Variants in PIK3CB observed in about 807,000 individuals in gnomAD.
The protein encoded by PIK3CB is phosphatidylinositol-4,5-bisphosphate 3-kinase catalytic subunit beta.
In PIK3CB, 39 loss-of-function variants were observed where a neutral mutation model predicts 136.8. That is an observed-to-expected ratio of 0.29 (90% CI 0.22 to 0.37). The LOEUF is 0.37. PIK3CB is among the 10% of genes least tolerant of loss of function. The probability of loss-of-function intolerance (pLI) is 1.00; values close to 1 mark genes in which losing one functional copy is unlikely to be tolerated. For synonymous variants in PIK3CB, 428 were observed against 436.6 expected, an observed-to-expected ratio of 0.98 and a Z score of 0.25; for missense variants, 868 against 1,275.4, an observed-to-expected ratio of 0.68 and a Z score of 4.87.
At chr3:138,766,522 C>CT (rs1391375289) in intron 2 of PIK3CB, among the ~76,000 whole-genome samples, 2 of 152,072 alleles carry the variant, frequency 1.3e-5, no homozygotes, top group African/African-American at 4.8e-5. Flanking sequence ...TTATCCTTTA[C>CT]TTTAACAGTT....
At chr3:138,830,563 A>G (rs1018631182) in intron 1 of PIK3CB, among the ~76,000 whole-genome samples, 1 of 151,446 alleles carries the variant, frequency 6.6e-6, no homozygotes, top group Non-Finnish European at 1.5e-5. Context: ...AAACAAAACA[A>G]AACAAAACAA....
At chr3:138,770,869 G>A (rs1422516958) in intron 2 of PIK3CB, among the ~76,000 whole-genome samples, 4 of 150,956 alleles carry the variant, frequency 2.6e-5, no homozygotes, top group African/African-American at 7.3e-5. Context: ...CTGCCATCAC[G>A]CCCGGCTAAT....
chr3:138,802,722 T>C (rs1034830259), intron 1 of PIK3CB, among the ~76,000 whole-genome samples: 3 of 152,170 alleles, frequency 2.0e-5, no homozygotes, highest in Non-Finnish European at 4.4e-5. Flanking sequence ...TCATTTGTAT[T>C]TACCCCAACA....
intron 22 of PIK3CB, 98 bp downstream of exon 22, chr3:138,657,592 C>A (rs1393561212): frequency 9.2e-7 from 1 of 1,084,908 alleles, no homozygotes; most frequent in East Asian, 2.5e-5. Context: ...CTGAATATCT[C>A]CCAGATCCAA....
chr3:138,699,222 A>AT, intron 12 of PIK3CB, 127 bp from the exon 13 acceptor site: 1 of 260,570 alleles, frequency 3.8e-6, no homozygotes, highest in Non-Finnish European at 6.3e-6. Flanking sequence ...ATATAATTCC[A>AT]TAAAAAAAAA....
Position 138,734,679 on chromosome 3 carries a change from A to C in PIK3CB, c.927T>G (p.Ser309=). 6.2e-7 allele frequency: 1 copy of C among 1,613,302 alleles called. No individual in the cohort carries two copies. The highest frequency in any genetic ancestry group is 8.5e-7 in the Non-Finnish European group (1 of 1,179,398). ...TTGGTGGTAATGGAAGAGGAAGATT[A>C]GATGAATTTCGATTTATGGCAGCCT... ...AIEAAINRNS[S]NLPLPLPPKK... Residue 309 remains serine (S), a synonymous_variant, in exon 7 of 24, where the codon TCT becomes TCG. Coordinates refer to ENST00000674063, the MANE Select transcript of PIK3CB (RefSeq NM_006219.3).
In PIK3CB at chr3:138,765,334, C is replaced by T. The variant is rs540595329; in HGVS notation, c.-16-5975G>A. ...TCCATTTCCAAAAAAAAAGAATCTG[C>T]TAGTAGGACAATTATATTGGATATT... On this transcript the variant is annotated intron_variant, in intron 2 of 23. Coordinates refer to ENST00000674063, the MANE Select transcript of PIK3CB (RefSeq NM_006219.3). 7.9e-5 allele frequency among the ~76,000 whole-genome samples: 12 copies of T among 151,982 alleles called. No individual in the cohort carries two copies. In the South Asian group the frequency reaches 2.5e-3, roughly 32 times the overall value.
chr3:138,749,546 C>A (rs933447577), intron 4 of PIK3CB, among the ~76,000 whole-genome samples: 6 of 152,160 alleles, frequency 3.9e-5, no homozygotes, highest in Admixed American at 3.9e-4. Flanking sequence ...TTTACATGGC[C>A]TGGATGGCAC....
intron 1 of PIK3CB, among the ~76,000 whole-genome samples, chr3:138,798,432 G>A (rs1299190748): frequency 2.6e-5 from 4 of 152,146 alleles, no homozygotes; most frequent in Non-Finnish European, 4.4e-5. Context: ...CAAAGTGCTG[G>A]GATTACAGGC....
At chr3:138,815,400 T>A in intron 1 of PIK3CB, among the ~76,000 whole-genome samples, 1 of 104,322 alleles carries the variant, frequency 9.6e-6, no homozygotes, top group Non-Finnish European at 2.2e-5. Context: ...AACAAAAGAT[T>A]ACAAATTCTT....
intron 19 of PIK3CB, among the ~76,000 whole-genome samples, chr3:138,673,329 AAAAG>A (rs968162778): frequency 3.3e-5 from 5 of 152,208 alleles, no homozygotes; most frequent in Non-Finnish European, 7.3e-5. Flanking sequence ...GGTGATAAAA[AAAAG>A]AAATAAAAGA....
intron 2 of PIK3CB, chr3:138,778,189 GC>G: frequency 2.2e-6 from 1 of 457,390 alleles, no homozygotes; most frequent in South Asian, 1.5e-5. Flanking sequence ...CATCATCTCT[GC>G]CCCCTCTGCT....
At chr3:138,782,920 A>T (rs1157493337) in intron 2 of PIK3CB, among the ~76,000 whole-genome samples, 7 of 152,174 alleles carry the variant, frequency 4.6e-5, no homozygotes, top group Non-Finnish European at 8.8e-5. Flanking sequence ...TCAAACACAT[A>T]ATCTAAGTAG....
chr3:138,811,158 C>T (rs1261836091), intron 1 of PIK3CB, among the ~76,000 whole-genome samples: 2 of 131,358 alleles, frequency 1.5e-5, no homozygotes, highest in African/African-American at 2.9e-5. Flanking sequence ...ACCTGGGAGG[C>T]GAGGGTTGCA....
At chr3:138,726,179 T>G (rs539754384) in intron 8 of PIK3CB, among the ~76,000 whole-genome samples, 1 of 152,336 alleles carries the variant, frequency 6.6e-6, no homozygotes, top group African/African-American at 2.4e-5. Flanking sequence ...TCTCAAAGTA[T>G]GTAGACTGTT....
chr3:138,662,446 C>T (rs902463516), intron 21 of PIK3CB, among the ~76,000 whole-genome samples: 9 of 151,162 alleles, frequency 6.0e-5, no homozygotes, highest in African/African-American at 1.7e-4. Flanking sequence ...TGAACTCATC[C>T]TTTTTTATGG....
chr3:138,745,628 A>G (rs2045339650), intron 4 of PIK3CB, among the ~76,000 whole-genome samples: 1 of 151,984 alleles, frequency 6.6e-6, no homozygotes, highest in Non-Finnish European at 1.5e-5. Context: ...GTGAGACCCC[A>G]TCTCAAAAAA....
chr3:138,819,591 G>A (rs191683330), intron 1 of PIK3CB, among the ~76,000 whole-genome samples: 1 of 152,128 alleles, frequency 6.6e-6, no homozygotes, highest in African/African-American at 2.4e-5. Context: ...GAATAAGAAG[G>A]ACATTTTTAA....
intron 3 of PIK3CB, among the ~76,000 whole-genome samples, chr3:138,756,216 C>A (rs1192285241): frequency 6.6e-6 from 1 of 151,790 alleles, no homozygotes; most frequent in African/African-American, 2.4e-5. Flanking sequence ...GAAAACCATA[C>A]AAAATATTCA....
Sources: allele counts gnomAD v4.1 joint callset (sites outside exome capture counted in the v4.1 genomes callset), GRCh38; gene constraint gnomAD v4.1.1; transcripts MANE v1.5; gene names NCBI Gene and HGNC (gene_info 2026-07-23, HGNC 2026-07-21).